The following DLG2 variants were observed in gnomAD, a reference collection of about 807,000 sequenced individuals.
DLG2 encodes discs large MAGUK scaffold protein 2.
A neutral mutation model predicts 132.5 loss-of-function variants in DLG2; 45 were observed. That is an observed-to-expected ratio of 0.34 (90% CI 0.27 to 0.44). The LOEUF is 0.44. DLG2 is among the 20% of genes least tolerant of loss of function. The probability of loss-of-function intolerance (pLI) is 1.00; values close to 1 mark genes in which losing one functional copy is unlikely to be tolerated. For synonymous variants in DLG2, 424 were observed against 419.6 expected (o/e 1.01, Z -0.13); for missense variants, 1,045 against 1,196.9 (o/e 0.87, Z 1.87).
chr11:84,311,599 T>C (rs912117246), intron 7 of DLG2, among the ~76,000 whole-genome samples: 1 of 152,208 alleles, frequency 6.6e-6, no homozygotes, highest in African/African-American at 2.4e-5. Context: ...TGGATGAGAT[T>C]TGGGTGTTCA....
intron 10 of DLG2, among the ~76,000 whole-genome samples, chr11:84,083,719 T>C (rs1594874217): frequency 6.6e-6 from 1 of 152,230 alleles, no homozygotes. Context: ...GCTGGTACCA[T>C]GCTCTTGGAC....
chr11:85,023,269 C>T (rs1263080751), intron 6 of DLG2, among the ~76,000 whole-genome samples: 2 of 151,984 alleles, frequency 1.3e-5, no homozygotes, highest in Non-Finnish European at 2.9e-5. Context: ...TGTCCTTAGG[C>T]TTTTTCTTAC....
At chr11:84,204,320 C>T (rs781302624) in intron 8 of DLG2, among the ~76,000 whole-genome samples, 5 of 151,976 alleles carry the variant, frequency 3.3e-5, no homozygotes, top group African/African-American at 7.3e-5. Flanking sequence ...AAGAGTAACA[C>T]AAAAAATAGA....
chr11:85,166,361 A>G (rs562233659), intron 4 of DLG2, among the ~76,000 whole-genome samples: 57 of 152,170 alleles, frequency 3.7e-4, no homozygotes, highest in African/African-American at 1.3e-3. Flanking sequence ...GCATGCTTGT[A>G]TTTCCTCTAA....
intron 6 of DLG2, among the ~76,000 whole-genome samples, chr11:84,624,270 G>T (rs2099618543): frequency 1.3e-5 from 2 of 152,048 alleles, no homozygotes; most frequent in Admixed American, 6.6e-5. Flanking sequence ...AGGATCTGAG[G>T]CATTAGTACC....
intron 3 of DLG2, among the ~76,000 whole-genome samples, chr11:85,429,682 G>A (rs2091030275): frequency 6.6e-6 from 1 of 152,162 alleles, no homozygotes; most frequent in South Asian, 2.1e-4. Context: ...CAGTTAGAAT[G>A]GCAATCATTA....
chr11:83,474,767 G>A (rs959845021), intron 22 of DLG2, among the ~76,000 whole-genome samples: 1 of 152,036 alleles, frequency 6.6e-6, no homozygotes, highest in Non-Finnish European at 1.5e-5. Flanking sequence ...TGTCAATATG[G>A]TCATTTAACT....
intron 6 of DLG2, among the ~76,000 whole-genome samples, chr11:84,673,717 T>C (rs1462699899): frequency 6.6e-6 from 1 of 151,876 alleles, no homozygotes; most frequent in Admixed American, 6.6e-5. Context: ...ACCAAGATGA[T>C]AAAAAATTAA....
chr11:83,482,643 A>C (rs1048139723), intron 22 of DLG2, among the ~76,000 whole-genome samples: 6 of 152,126 alleles, frequency 3.9e-5, no homozygotes, highest in African/African-American at 1.4e-4. Context: ...CCAAACTTTA[A>C]ACATTTCAAG....
chr11:85,575,913 C>T (rs754181292), intron 3 of DLG2, among the ~76,000 whole-genome samples: 8 of 152,112 alleles, frequency 5.3e-5, no homozygotes, highest in Non-Finnish European at 7.4e-5. Context: ...CAGCATTTGG[C>T]ACACTATAGG....
chr11:83,768,402 A>G (rs1336308334), intron 18 of DLG2, among the ~76,000 whole-genome samples: 1 of 152,202 alleles, frequency 6.6e-6, no homozygotes, highest in Non-Finnish European at 1.5e-5. Flanking sequence ...TTTAGTTGAA[A>G]TTCAAAATTG....
intron 18 of DLG2, among the ~76,000 whole-genome samples, chr11:83,761,416 G>A (rs2093902387): frequency 6.6e-6 from 1 of 152,078 alleles, no homozygotes; most frequent in Non-Finnish European, 1.5e-5. Context: ...TCTGATATTT[G>A]GCCAATCCCA....
intron 6 of DLG2, among the ~76,000 whole-genome samples, chr11:84,963,932 C>G (rs1056745456): frequency 2.6e-5 from 4 of 152,092 alleles, no homozygotes; most frequent in Admixed American, 6.6e-5. Context: ...GTAATGGAAA[C>G]TTTTAGAACT....
At chr11:84,378,899 T>TC (rs1852368082) in intron 7 of DLG2, among the ~76,000 whole-genome samples, 1 of 151,736 alleles carries the variant, frequency 6.6e-6, no homozygotes, top group Non-Finnish European at 1.5e-5. Flanking sequence ...TGAACCAAGA[T>TC]CGCGCCACTT....
chr11:85,151,874 C>T (rs1009298053), intron 5 of DLG2, among the ~76,000 whole-genome samples: 6 of 152,100 alleles, frequency 3.9e-5, no homozygotes, highest in Non-Finnish European at 8.8e-5. Flanking sequence ...TTTAGTGTCT[C>T]GGAACTAACG....
At chr11:83,923,656 CCT>C (rs2078373101) in intron 15 of DLG2, among the ~76,000 whole-genome samples, 1 of 152,094 alleles carries the variant, frequency 6.6e-6, no homozygotes, top group Admixed American at 6.6e-5. Context: ...AAATTCTTCC[CCT>C]GAGTCAGTCA....
chr11:85,089,691 T>C (rs559430150), intron 6 of DLG2, among the ~76,000 whole-genome samples: 1 of 152,318 alleles, frequency 6.6e-6, no homozygotes, highest in South Asian at 2.1e-4. Context: ...TTTTAGTTAT[T>C]TGAGAAATCT....
intron 7 of DLG2, among the ~76,000 whole-genome samples, chr11:84,432,023 A>G (rs1188663275): frequency 6.6e-6 from 1 of 152,242 alleles, no homozygotes; most frequent in African/African-American, 2.4e-5. Flanking sequence ...ATGTTGAATA[A>G]GATTGAGAAA....
intron 7 of DLG2, among the ~76,000 whole-genome samples, chr11:84,459,508 A>G (rs1359042173): frequency 6.6e-6 from 1 of 150,582 alleles, no homozygotes; most frequent in Non-Finnish European, 1.5e-5. Context: ...GGGGTACATA[A>G]TAGGTTGTTT....
Sources: allele counts gnomAD v4.1 joint callset (sites outside exome capture counted in the v4.1 genomes callset), GRCh38; gene constraint gnomAD v4.1.1; transcripts MANE v1.5; gene names NCBI Gene and HGNC (gene_info 2026-07-23, HGNC 2026-07-21).